Variants in PCCA observed in about 807,000 individuals in gnomAD.
PCCA encodes propionyl-CoA carboxylase alpha chain, mitochondrial.
PCCA carries 74 observed loss-of-function variants against 101.3 expected under a neutral mutation model. That is an observed-to-expected ratio of 0.73 (90% CI 0.61 to 0.89). PCCA has a LOEUF of 0.89. PCCA is among the 40% of genes least tolerant of loss of function. The pLI, the probability that PCCA is intolerant of heterozygous loss-of-function variation, is 0.00. For synonymous variants in PCCA, 294 were observed against 313.6 expected (o/e 0.94, Z 0.66); for missense variants, 891 against 907.0 (o/e 0.98, Z 0.23).
At chr13:100,230,070 A>G (rs1228294387) in intron 7 of PCCA, among the ~76,000 whole-genome samples, 1 of 152,212 alleles carries the variant, frequency 6.6e-6, no homozygotes, top group East Asian at 1.9e-4. Flanking sequence ...TCATGGAAGA[A>G]ATAATGTGTT....
chr13:100,326,377 C>T (rs927758717), intron 16 of PCCA, among the ~76,000 whole-genome samples: 1 of 152,012 alleles, frequency 6.6e-6, no homozygotes, highest in African/African-American at 2.4e-5. Context: ...AGAAGCAGTG[C>T]CAGAAAACAG....
chr13:100,184,288 T>C (rs2057055737), intron 6 of PCCA, among the ~76,000 whole-genome samples: 1 of 152,228 alleles, frequency 6.6e-6, no homozygotes, highest in African/African-American at 2.4e-5. Context: ...CTCTTGATTG[T>C]TGCTGTTTCC....
At chr13:100,491,744 C>T in intron 21 of PCCA, 1 of 1,290,646 alleles carries the variant, frequency 7.7e-7, no homozygotes, top group South Asian at 1.3e-5. Flanking sequence ...ATTGAAAGCT[C>T]TCGGTTTGTA....
chr13:100,494,880 T>G (rs1343605649), intron 21 of PCCA, among the ~76,000 whole-genome samples: 3 of 152,118 alleles, frequency 2.0e-5, no homozygotes, highest in Admixed American at 2.0e-4. Context: ...CTATTTGATT[T>G]ATTTTATCCC....
At chr13:100,468,928 TTGAC>T (rs2152952647) in intron 21 of PCCA, among the ~76,000 whole-genome samples, 2 of 152,006 alleles carry the variant, frequency 1.3e-5, no homozygotes, top group South Asian at 4.2e-4. Flanking sequence ...AACAATCCCT[TTGAC>T]TGGGCGCGGT....
At chr13:100,379,673 G>A (rs779779929) in intron 19 of PCCA, among the ~76,000 whole-genome samples, 1 of 152,144 alleles carries the variant, frequency 6.6e-6, no homozygotes, top group Non-Finnish European at 1.5e-5. Context: ...GAAGAGCAGA[G>A]GGACATCTTA....
intron 7 of PCCA, 37 bp from the exon 8 acceptor site, chr13:100,235,805 T>C (rs758686553): frequency 2.0e-6 from 3 of 1,497,612 alleles, no homozygotes; most frequent in East Asian, 4.5e-5. Flanking sequence ...CAATGCCTCA[T>C]GGGATTAATG....
In PCCA at chr13:100,530,212, G is replaced by A; in HGVS notation, c.*46G>A. The A allele has an allele frequency of 7.1e-7, 1 of 1,416,238 alleles. No individual in the cohort carries two copies. The highest frequency in any genetic ancestry group is 1.0e-6 in the Non-Finnish European group (1 of 1,000,226). The allele number at this position is 1,416,238 out of a possible 1,614,324, so 87.7% of individuals were successfully genotyped here. On this transcript the variant is annotated 3_prime_UTR_variant, in exon 24 of 24. Coordinates refer to ENST00000376285, the MANE Select transcript of PCCA (RefSeq NM_000282.4). Reference sequence around the variant, plus strand: ...CATCACCCAATTTAATTAGCCATTTGCATGATGCTTTCACACACAATTGAT... The same window carrying A: ...CATCACCCAATTTAATTAGCCATTTACATGATGCTTTCACACACAATTGAT...
chr13:100,398,268 C>A (rs1195543383), intron 19 of PCCA, among the ~76,000 whole-genome samples: 1 of 152,130 alleles, frequency 6.6e-6, no homozygotes, highest in East Asian at 1.9e-4. Context: ...TAAATCAAGT[C>A]TTTTAGGTTC....
At position 100,289,551 on chromosome 13, in the gene PCCA, T is replaced by A. The variant is rs1175202343; in HGVS notation, c.1066-11909T>A. Among the ~76,000 whole-genome samples the A allele has an allele frequency of 2.6e-5, 4 of 151,978 alleles. No homozygotes were observed. In the South Asian group the frequency reaches 6.2e-4, roughly 24 times the overall value. The stretch of plus-strand genomic sequence containing the variant: ...GATTTTATTTATTTTATCTTATATT[T>A]AAAAATTTTTTTTCTTGTTTTCCAT... On this transcript the variant is annotated intron_variant, in intron 12 of 23. Coordinates refer to ENST00000376285, the MANE Select transcript of PCCA (RefSeq NM_000282.4).
chr13:100,452,862 A>G (rs1474928336), intron 21 of PCCA, among the ~76,000 whole-genome samples: 1 of 152,050 alleles, frequency 6.6e-6, no homozygotes, highest in Admixed American at 6.5e-5. Flanking sequence ...AATGACTGAA[A>G]TTGGCCAATG....
intron 12 of PCCA, among the ~76,000 whole-genome samples, chr13:100,285,351 G>A (rs560051582): frequency 5.3e-4 from 81 of 152,242 alleles, no homozygotes; most frequent in African/African-American, 1.9e-3. Context: ...ACAGTACAAA[G>A]CTTCTCTTTA....
At chr13:100,212,466 C>T (rs139836915) in intron 7 of PCCA, among the ~76,000 whole-genome samples, 263 of 152,238 alleles carry the variant, frequency 1.7e-3, no homozygotes, top group African/African-American at 5.7e-3. Flanking sequence ...CATTCTTTTC[C>T]GCCTAGGAAG....
rs138722527 is a variant in PCCA, at chr13:100,309,480, T to C, written c.1354-353T>C. ...ACCACAGAAAAATAGGGAAAAAATGTCTTATCTAATCCTCACCACTACCCT... is the reference window on the plus strand; with the variant it reads ...ACCACAGAAAAATAGGGAAAAAATGCCTTATCTAATCCTCACCACTACCCT... On this transcript the variant is annotated intron_variant, in intron 15 of 23. Transcript: ENST00000376285. Among the ~76,000 whole-genome samples, 136 of 152,308 alleles carry C rather than the reference T, an allele frequency of 8.9e-4. No individual in the cohort carries two copies. In the Middle Eastern group the frequency reaches 0.034, roughly 38 times the overall value.
chr13:100,135,082 T>C (rs1040023451), intron 4 of PCCA, among the ~76,000 whole-genome samples: 2 of 151,928 alleles, frequency 1.3e-5, no homozygotes, highest in Admixed American at 6.6e-5. Flanking sequence ...GTGTAATTTT[T>C]TTTTGGAGAC....
chr13:100,351,342 A>G (rs2073245326), intron 18 of PCCA, among the ~76,000 whole-genome samples: 1 of 152,188 alleles, frequency 6.6e-6, no homozygotes, highest in South Asian at 2.1e-4. Flanking sequence ...TGTCAGTGAG[A>G]TAAGTAAAAA....
chr13:100,209,340 A>C lies in PCCA; in HGVS notation c.477A>C (p.Glu159Asp), dbSNP rs1413364180. The change falls in exon 7 of 24, where the codon GAA (glutamate) becomes GAC (aspartate). Residue 159 changes from glutamate to aspartate, a missense_variant. Glu to Asp is a conservative substitution (Grantham distance 45). Coordinates refer to ENST00000376285, the MANE Select transcript of PCCA (RefSeq NM_000282.4). ...NKEFARCLAA[E>D]DVVFIGPDTH... ...CTTGTTTTTCTCCACAGGCAGCAGAAGATGTCGTTTTCATTGGACCTGACA... is the reference window on the plus strand; with the variant it reads ...CTTGTTTTTCTCCACAGGCAGCAGACGATGTCGTTTTCATTGGACCTGACA... 3 of 1,613,848 alleles carry C rather than the reference A, an allele frequency of 1.9e-6. No individual in the cohort carries two copies. Among genetic ancestry groups the C allele is most frequent in the South Asian group, 2.2e-5 (2 of 91,080 alleles).
chr13:100,356,073 A>C (rs751484667), intron 18 of PCCA, among the ~76,000 whole-genome samples: 3 of 152,168 alleles, frequency 2.0e-5, no homozygotes, highest in African/African-American at 7.2e-5. Flanking sequence ...CATGTAAAAG[A>C]ATGAAGTTGG....
chr13:100,341,571 TAA>T (rs1256118281), intron 18 of PCCA, among the ~76,000 whole-genome samples: 1 of 152,094 alleles, frequency 6.6e-6, no homozygotes, highest in Non-Finnish European at 1.5e-5. Flanking sequence ...TGGGCAACTC[TAA>T]GAGGCTTTCC....
Sources: gnomAD v4.1 joint callset for allele counts (sites outside exome capture counted in the v4.1 genomes callset) on GRCh38, gnomAD v4.1.1 for gene constraint, MANE v1.5 for transcripts, NCBI Gene and HGNC (gene_info 2026-07-23, HGNC 2026-07-21) for gene names.